The following TENM2 variants were observed in gnomAD, a reference collection of about 807,000 sequenced individuals.
The protein encoded by TENM2 is teneurin transmembrane protein 2, also known as teneurin-2.
In TENM2, 52 loss-of-function variants were observed where a neutral mutation model predicts 245.2. The observed-to-expected ratio is 0.21, with a 90% CI of 0.17 to 0.27. TENM2 has a LOEUF of 0.27. Ranked by LOEUF, TENM2 falls within the 10% of genes least tolerant of loss-of-function variation. The pLI is 1.00. For synonymous variants in TENM2, 1,363 were observed against 1,438.9 expected, an observed-to-expected ratio of 0.95 and a Z score of 1.19; for missense variants, 3,046 against 3,666.8, an observed-to-expected ratio of 0.83 and a Z score of 4.37.
the TENM2 span, among the ~76,000 whole-genome samples, chr5:167,112,172 C>A: frequency 1.3e-5 from 2 of 152,094 alleles, no homozygotes; most frequent in South Asian, 2.1e-4. Context: ...TGTTCCTAAA[C>A]GTGAGAGATG....
At chr5:167,862,031 G>A (rs1318546650) in intron 2 of TENM2, among the ~76,000 whole-genome samples, 2 of 152,178 alleles carry the variant, frequency 1.3e-5, no homozygotes, top group Non-Finnish European at 2.9e-5. Context: ...GACACATTTA[G>A]CAACATTTCA....
chr5:168,186,594 T>C (rs1028172526), intron 13 of TENM2: 2 of 152,134 alleles, frequency 1.3e-5, no homozygotes, highest in Non-Finnish European at 2.9e-5. Context: ...TGAGTCAGTA[T>C]TGGGCCCTTT....
At chr5:167,523,607 A>G (rs1459378886) in intron 2 of TENM2, among the ~76,000 whole-genome samples, 3 of 152,164 alleles carry the variant, frequency 2.0e-5, no homozygotes, top group Non-Finnish European at 2.9e-5. Context: ...ATGACAAATA[A>G]AACTATTCTA....
At chr5:167,606,632 C>T (rs938890333) in intron 2 of TENM2, among the ~76,000 whole-genome samples, 5 of 152,130 alleles carry the variant, frequency 3.3e-5, no homozygotes, top group Admixed American at 1.3e-4. Context: ...CCAACCCCGA[C>T]TACACATTAG....
At chr5:168,132,849 G>T (rs556397252) in intron 12 of TENM2, among the ~76,000 whole-genome samples, 2 of 152,146 alleles carry the variant, frequency 1.3e-5, no homozygotes, top group Non-Finnish European at 2.9e-5. Context: ...TTCACAATAC[G>T]CACTAAAGAT....
chr5:167,012,473 AGT>A, the TENM2 span, among the ~76,000 whole-genome samples: 1 of 152,220 alleles, frequency 6.6e-6, no homozygotes, highest in African/African-American at 2.4e-5. Flanking sequence ...AGAAAAGCAC[AGT>A]GTGTGTAGAC....
At chr5:168,141,290 G>A (rs1755524829) in intron 12 of TENM2, among the ~76,000 whole-genome samples, 1 of 152,198 alleles carries the variant, frequency 6.6e-6, no homozygotes, top group African/African-American at 2.4e-5. Context: ...TCTGGGAACA[G>A]TTCCCAGCAT....
At chr5:167,565,670 G>A (rs1210173469) in intron 2 of TENM2, among the ~76,000 whole-genome samples, 1 of 152,104 alleles carries the variant, frequency 6.6e-6, no homozygotes. Context: ...GGAGATACTG[G>A]TCCCATTTCA....
intron 2 of TENM2, among the ~76,000 whole-genome samples, chr5:167,595,711 A>T (rs1776157945): frequency 6.6e-6 from 1 of 152,206 alleles, no homozygotes; most frequent in African/African-American, 2.4e-5. Flanking sequence ...AACATGACAC[A>T]CAAACTAACA....
chr5:167,963,612 A>C (rs1192742977), intron 4 of TENM2, among the ~76,000 whole-genome samples: 1 of 152,026 alleles, frequency 6.6e-6, no homozygotes, highest in Non-Finnish European at 1.5e-5. Flanking sequence ...TAATTTCAAA[A>C]CTCTGAGAGG....
intron 2 of TENM2, among the ~76,000 whole-genome samples, chr5:167,439,745 TTGC>T (rs1764778039): frequency 6.6e-6 from 1 of 152,220 alleles, no homozygotes; most frequent in Non-Finnish European, 1.5e-5. Flanking sequence ...CTTCATCTGT[TTGC>T]TACTCCTCCT....
intron 2 of TENM2, among the ~76,000 whole-genome samples, chr5:167,868,296 G>C (rs1375449239): frequency 1.3e-5 from 2 of 152,102 alleles, no homozygotes; most frequent in Non-Finnish European, 2.9e-5. Context: ...GAATGACTGA[G>C]CTAGTCTGAC....
chr5:167,918,255 GGA>G (rs1338837339), intron 3 of TENM2, among the ~76,000 whole-genome samples: 1 of 152,154 alleles, frequency 6.6e-6, no homozygotes, highest in Non-Finnish European at 1.5e-5. Context: ...TCCTTAAAAA[GGA>G]GCTCTGAGAT....
At chr5:167,196,994 C>A in the TENM2 span, among the ~76,000 whole-genome samples, 1 of 151,876 alleles carries the variant, frequency 6.6e-6, no homozygotes, top group African/African-American at 2.4e-5. Context: ...TCTTGCCATA[C>A]ACCTCATGAG....
In TENM2 at chr5:167,785,132, G is replaced by C. The variant is rs559399378; in HGVS notation, c.503-90854G>C. The stretch of plus-strand genomic sequence containing the variant: ...TTTTTCCTACTACACAGTCTGCCAA[G>C]GCATGTATGTATAGAGATTTGATGT... On this transcript the variant is annotated intron_variant, in intron 2 of 28. Coordinates refer to ENST00000518659, the Ensembl canonical transcript of TENM2. Among the ~76,000 whole-genome samples the C allele has an allele frequency of 2.0e-5, 3 of 152,268 alleles. No homozygotes were observed. The East Asian group carries it at 5.8e-4, about 29-fold the overall frequency.
intron 2 of TENM2, among the ~76,000 whole-genome samples, chr5:167,825,645 G>A (rs576865944): frequency 7.9e-5 from 12 of 152,196 alleles, no homozygotes; most frequent in South Asian, 6.2e-4. Flanking sequence ...GCGATCCCAC[G>A]GGCTCTGCAG....
chr5:167,715,844 A>G (rs1417411067), intron 2 of TENM2, among the ~76,000 whole-genome samples: 2 of 152,226 alleles, frequency 1.3e-5, no homozygotes, highest in Non-Finnish European at 2.9e-5. Flanking sequence ...ACTATTTTTC[A>G]GTTTGAGGAT....
At chr5:167,965,592 A>AG (rs1342365866) in intron 4 of TENM2, 1 of 63,340 alleles carries the variant, frequency 1.6e-5, no homozygotes, top group African/African-American at 6.4e-5. Context: ...AAAAAAAAAG[A>AG]AAAAAAATTC....
At chr5:167,136,835 C>T in the TENM2 span, among the ~76,000 whole-genome samples, 1 of 152,060 alleles carries the variant, frequency 6.6e-6, no homozygotes, top group African/African-American at 2.4e-5. Context: ...TATCTTTTAT[C>T]CAAGGGTGTT....
Sources: gnomAD v4.1 joint callset for allele counts (sites outside exome capture counted in the v4.1 genomes callset) on GRCh38, gnomAD v4.1.1 for gene constraint, MANE v1.5 for transcripts, NCBI Gene and HGNC (gene_info 2026-07-23, HGNC 2026-07-21) for gene names.